Variants in SMARCA4 observed in about 807,000 individuals in gnomAD.
SMARCA4 encodes SWI/SNF-related matrix-associated actin-dependent regulator of chromatin subfamily A member 4.
A neutral mutation model predicts 193.9 loss-of-function variants in SMARCA4; 31 were observed. That is an observed-to-expected ratio of 0.16 (90% CI 0.12 to 0.22). The LOEUF (loss-of-function observed/expected upper bound fraction) is 0.22, where lower values mean the gene tolerates loss of function less well. Ranked by LOEUF, SMARCA4 falls within the 10% of genes least tolerant of loss-of-function variation. SMARCA4 has a pLI of 1.00. For missense variants in SMARCA4, 1,148 were observed against 2,296.0 expected, an observed-to-expected ratio of 0.50 and a Z score of 10.22; for synonymous variants, 942 against 933.1, an observed-to-expected ratio of 1.01 and a Z score of -0.17.
intron 15 of SMARCA4, chr19:11,011,116 G>A (rs2088797901): frequency 1.6e-5 from 3 of 182,572 alleles, no homozygotes; most frequent in African/African-American, 7.0e-5. Flanking sequence ...AGCTGCTCAT[G>A]CTCTTAATGC....
chr19:11,028,794 C>T lies in SMARCA4; in HGVS notation c.3382+844C>T, dbSNP rs531123152. Among the ~76,000 whole-genome samples the T allele has an allele frequency of 2.6e-5, 4 of 152,300 alleles. No homozygotes were observed. In the South Asian group the frequency reaches 6.2e-4, roughly 24 times the overall value. On this transcript the variant is annotated intron_variant, in intron 24 of 34. Transcript: ENST00000344626. ...TCAGGGAGCCCTGGAGTGAGTTCTT[C>T]GTGGGAGTTACTAGAACTGGGCTTA...
At chr19:11,007,053 C>T (rs1600160627) in intron 13 of SMARCA4, among the ~76,000 whole-genome samples, 1 of 152,008 alleles carries the variant, frequency 6.6e-6, no homozygotes, top group Non-Finnish European at 1.5e-5. Context: ...CACCACTGCC[C>T]TCCAGCCAGA....
chr19:11,024,494 G>T (rs989883606), intron 21 of SMARCA4, 56 bp downstream of exon 21: 1 of 1,137,922 alleles, frequency 8.8e-7, no homozygotes, highest in African/African-American at 1.5e-5. Flanking sequence ...GGCCGGCAGC[G>T]TGGCAGGCAG....
chr19:11,002,799 C>CAAAAAA (rs747143883), intron 11 of SMARCA4, among the ~76,000 whole-genome samples: 1 of 83,670 alleles, frequency 1.2e-5, no homozygotes, highest in Non-Finnish European at 2.4e-5. Context: ...GACTCCGTCT[C>CAAAAAA]AAAAAAAAAA....
chr19:11,031,431 A>G lies in SMARCA4; in HGVS notation c.3546+538A>G, dbSNP rs1278858503. ...ACTTTTCTCTGTGTTTCATTATAAG[A>G]CTGATAAGTTCTTATTGTTTTTAAC... On this transcript the variant is annotated intron_variant, in intron 25 of 34. Coordinates refer to ENST00000344626, the MANE Select transcript of SMARCA4 (RefSeq NM_003072.5). The surrounding 1 kb of genome is among the most constrained non-coding windows in gnomAD (Gnocchi z 4.3). 1 of 183,008 alleles carries G rather than the reference A, an allele frequency of 5.5e-6. No homozygotes were observed. Among genetic ancestry groups the G allele is most frequent in the Non-Finnish European group, 1.2e-5 (1 of 85,160 alleles). 11.3% of individuals were successfully genotyped at this position (183,008 alleles called of 1,614,324 possible). A position where few individuals can be genotyped will look rare whatever the true frequency, so the allele number is the denominator to read the frequency against.
rs2145823621 is a variant in SMARCA4, at chr19:10,987,940, A to C, written c.1118+16A>C. 4 of 1,611,504 alleles carry C rather than the reference A, an allele frequency of 2.5e-6. No individual in the cohort carries two copies. Among genetic ancestry groups the C allele is most frequent in the East Asian group, 2.2e-5 (1 of 44,858 alleles). On this transcript the variant is annotated intron_variant, in intron 6 of 34. Coordinates refer to ENST00000344626, the MANE Select transcript of SMARCA4 (RefSeq NM_003072.5). This position sits in a 1 kb window ranked among gnomAD's most constrained non-coding sequence, Gnocchi z 5.3. ...GCGAGTACAGGTGAGGGCGGGGCCC[A>C]GTTGCCAAGGTCACTGCCCTGTGTC...
intron 8 of SMARCA4, among the ~76,000 whole-genome samples, chr19:10,993,240 C>T (rs140287905): frequency 1.9e-4 from 29 of 152,270 alleles, no homozygotes; most frequent in African/African-American, 6.5e-4. Context: ...CCTGCCTTGG[C>T]CTTCCAAAGT....
rs769669992 is a variant in SMARCA4, at chr19:10,984,379, G to T, written c.222+6G>T. The stretch of plus-strand genomic sequence containing the variant: ...ACATGCACCAGATGCACAAGGTAGG[G>T]ATCCCTGTGCCCGCCTCGCACCTGC... On this transcript the variant is annotated splice_donor_region_variant and intron_variant, in intron 2 of 34. Transcript: ENST00000344626. This position sits in a 1 kb window ranked among gnomAD's most constrained non-coding sequence, Gnocchi z 4.3. The T allele has an allele frequency of 6.4e-7, 1 of 1,574,664 alleles. No individual in the cohort carries two copies. The highest frequency in any genetic ancestry group is 8.6e-7 in the Non-Finnish European group (1 of 1,159,966).
At chr19:11,051,203 T>G (rs1369063785) in intron 30 of SMARCA4, among the ~76,000 whole-genome samples, 1 of 152,094 alleles carries the variant, frequency 6.6e-6, no homozygotes, top group Admixed American at 6.5e-5. Context: ...AGTCTCCCCC[T>G]CAGTGATAGA....
rs1312982102 is a variant in SMARCA4, at chr19:10,993,262, A to C, written c.1420-1566A>C. On this transcript the variant is annotated intron_variant, in intron 8 of 34. Coordinates refer to ENST00000344626, the MANE Select transcript of SMARCA4 (RefSeq NM_003072.5). ...TGGCCTTCCAAAGTGCTGGAATTAC[A>C]GGCGTGAGCCGCTGCTCCTGGCCAC... 2.0e-5 allele frequency among the ~76,000 whole-genome samples: 3 copies of C among 152,208 alleles called. No homozygotes were observed. The East Asian group carries it at 5.8e-4, about 29-fold the overall frequency.
chr19:11,025,615 A>G (rs1215029148), intron 22 of SMARCA4, 107 bp downstream of exon 22: 4 of 796,980 alleles, frequency 5.0e-6, no homozygotes, highest in Non-Finnish European at 8.8e-6. Flanking sequence ...GAATATTTTC[A>G]TTAGGTAATG....
chr19:10,972,593 C>G (rs1012917942), intron 1 of SMARCA4, among the ~76,000 whole-genome samples: 3 of 152,168 alleles, frequency 2.0e-5, no homozygotes, highest in Non-Finnish European at 4.4e-5. Flanking sequence ...AGTAAGTCCT[C>G]TGCTGTGGCG....
At position 11,007,956 on chromosome 19, in the gene SMARCA4, G is replaced by A. The variant is rs1555771625; in HGVS notation, c.2056G>A (p.Glu686Lys). ...ACAGCCTCCCACCCTGCCCGTGGAGGAGAAGAAGAAGATTCCAGATCCAGA... is the reference window on the plus strand; with the variant it reads ...ACAGCCTCCCACCCTGCCCGTGGAGAAGAAGAAGAAGATTCCAGATCCAGA... ...AAQPPTLPVE[E>K]KKKIPDPDSD... Residue 686 changes from glutamate (E) to lysine (K), a missense_variant, in exon 14 of 35, where the codon GAG becomes AAG. Physicochemically the swap from Glu to Lys is moderately conservative, Grantham distance 56. Coordinates refer to ENST00000344626, the MANE Select transcript of SMARCA4 (RefSeq NM_003072.5). The A allele has an allele frequency of 6.2e-7, 1 of 1,613,856 alleles. No homozygotes were observed. The highest frequency in any genetic ancestry group is 8.5e-7 in the Non-Finnish European group (1 of 1,179,848).
At position 11,059,833 on chromosome 19, in the gene SMARCA4, CGAG is replaced by C; in HGVS notation, c.4720_4722del (p.Glu1574del). ...TCGAGAAGGAGGATGACAGTGAAGG[CGAG>C]GAGAGTGAGGAGGAGGAAGAGGGCG... On this transcript the variant is annotated inframe_deletion, in exon 33 of 35. Transcript: ENST00000344626. 1 of 1,613,362 alleles carries C rather than the reference CGAG, an allele frequency of 6.2e-7. No homozygotes were observed. Among genetic ancestry groups the C allele is most frequent in the Non-Finnish European group, 8.5e-7 (1 of 1,179,588 alleles).
In SMARCA4 at chr19:10,986,699, G is replaced by A; in HGVS notation, c.760+106G>A. 6.8e-7 allele frequency: 1 copy of A among 1,479,400 alleles called. No individual in the cohort carries two copies. The highest frequency in any genetic ancestry group is 9.1e-7 in the Non-Finnish European group (1 of 1,099,450). 91.6% of individuals were successfully genotyped at this position (1,479,400 alleles called of 1,614,324 possible). ...TGTTGCCGACTGGGTTCCCCGGTTTGGGATTGCACGGGCCCATACTGCACT... is the reference window on the plus strand; with the variant it reads ...TGTTGCCGACTGGGTTCCCCGGTTTAGGATTGCACGGGCCCATACTGCACT... On this transcript the variant is annotated intron_variant, in intron 4 of 34. Coordinates refer to ENST00000344626, the MANE Select transcript of SMARCA4 (RefSeq NM_003072.5). The surrounding 1 kb of genome is among the most constrained non-coding windows in gnomAD (Gnocchi z 6.7).
intron 19 of SMARCA4, among the ~76,000 whole-genome samples, chr19:11,023,235 G>A (rs1039033493): frequency 8.5e-5 from 13 of 152,202 alleles, no homozygotes; most frequent in Non-Finnish European, 1.3e-4. Context: ...GCCCGCTGCC[G>A]GGGGTCTTTC....
chr19:11,036,632 T>C (rs2075286648), intron 29 of SMARCA4, among the ~76,000 whole-genome samples: 1 of 152,186 alleles, frequency 6.6e-6, no homozygotes, highest in African/African-American at 2.4e-5. Flanking sequence ...TCTATGTACA[T>C]TTTTTTCTAG....
intron 11 of SMARCA4, among the ~76,000 whole-genome samples, chr19:11,000,825 A>G (rs529434229): frequency 7.1e-6 from 1 of 139,904 alleles, no homozygotes; most frequent in Non-Finnish European, 1.6e-5. Context: ...ACACCACTGC[A>G]CTCCAGCCTG....
intron 30 of SMARCA4, among the ~76,000 whole-genome samples, chr19:11,046,986 C>G (rs146665341): frequency 6.6e-6 from 1 of 151,452 alleles, no homozygotes; most frequent in African/African-American, 2.4e-5. Context: ...AAAGCTGCCT[C>G]CATTTAGCAA....
Sources: gnomAD v4.1 joint callset for allele counts (sites outside exome capture counted in the v4.1 genomes callset) on GRCh38, gnomAD v4.1.1 for gene constraint, Gnocchi (gnomAD v3.1) non-coding constraint, MANE v1.5 for transcripts, NCBI Gene and HGNC (gene_info 2026-07-23, HGNC 2026-07-21) for gene names.